EPHB1: variants seen among roughly 807,000 people sequenced by gnomAD.
EPHB1 encodes EPH receptor B1.
In EPHB1, 30 loss-of-function variants were observed where a neutral mutation model predicts 94.4. The ratio of observed to expected loss-of-function variants is 0.32; its 90% CI spans 0.24 to 0.43. EPHB1 has a LOEUF of 0.43. Among genes scored for constraint, EPHB1 ranks in the 20% least tolerant of loss-of-function variants. EPHB1 has a pLI of 1.00. For synonymous variants in EPHB1, 522 were observed against 489.1 expected, an observed-to-expected ratio of 1.07 and a Z score of -0.89; for missense variants, 1,055 against 1,308.3, an observed-to-expected ratio of 0.81 and a Z score of 2.99.
chr3:134,934,092 C>T (rs1293660805), intron 2 of EPHB1, among the ~76,000 whole-genome samples: 2 of 151,868 alleles, frequency 1.3e-5, no homozygotes, highest in African/African-American at 4.8e-5. Flanking sequence ...CTTTTTCTCT[C>T]TCTACCAAAA....
intron 3 of EPHB1, among the ~76,000 whole-genome samples, chr3:134,986,958 C>T (rs1442387437): frequency 1.3e-5 from 2 of 152,128 alleles, no homozygotes; most frequent in Admixed American, 6.5e-5. Flanking sequence ...AGTCTTCTCA[C>T]CTCTGTCAGA....
chr3:135,055,064 T>C (rs1344850763), intron 3 of EPHB1, among the ~76,000 whole-genome samples: 2 of 152,220 alleles, frequency 1.3e-5, no homozygotes, highest in African/African-American at 4.8e-5. Flanking sequence ...TGTAGCCTCT[T>C]TATCCAGTTT....
At chr3:135,174,315 A>G (rs1238243794) in intron 9 of EPHB1, among the ~76,000 whole-genome samples, 2 of 152,116 alleles carry the variant, frequency 1.3e-5, no homozygotes, top group Non-Finnish European at 2.9e-5. Flanking sequence ...TCAAGCTGGT[A>G]TCACTCTCCC....
At chr3:135,054,879 C>T (rs192243350) in intron 3 of EPHB1, among the ~76,000 whole-genome samples, 116 of 152,188 alleles carry the variant, frequency 7.6e-4, no homozygotes, top group Non-Finnish European at 1.3e-3. Flanking sequence ...TGCATTTGTC[C>T]TTACACTTCC....
At chr3:135,013,529 G>A (rs2107750017) in intron 3 of EPHB1, among the ~76,000 whole-genome samples, 1 of 152,334 alleles carries the variant, frequency 6.6e-6, no homozygotes, top group South Asian at 2.1e-4. Flanking sequence ...TAGGGTGAGA[G>A]CAGAGAGACA....
intron 1 of EPHB1, among the ~76,000 whole-genome samples, chr3:134,876,262 A>G (rs2037614552): frequency 6.6e-6 from 1 of 151,926 alleles, no homozygotes; most frequent in African/African-American, 2.4e-5. Flanking sequence ...TGGCCTCCCC[A>G]TCTTTACCTG....
At chr3:134,856,665 G>C (rs1472882869) in intron 1 of EPHB1, among the ~76,000 whole-genome samples, 3 of 152,332 alleles carry the variant, frequency 2.0e-5, no homozygotes, top group African/African-American at 7.2e-5. Flanking sequence ...TGCTGTCGAT[G>C]TAAAATGCAC....
intron 1 of EPHB1, among the ~76,000 whole-genome samples, chr3:134,911,768 G>A (rs1027903754): frequency 1.3e-5 from 2 of 152,210 alleles, no homozygotes; most frequent in South Asian, 2.1e-4. Context: ...AGCAGCACCA[G>A]TCTGGTCTGG....
At chr3:134,868,623 T>C (rs935251154) in intron 1 of EPHB1, among the ~76,000 whole-genome samples, 4 of 152,176 alleles carry the variant, frequency 2.6e-5, no homozygotes, top group African/African-American at 9.7e-5. Context: ...AATGGAATAC[T>C]GAGTGTGAGA....
intron 1 of EPHB1, among the ~76,000 whole-genome samples, chr3:134,903,340 G>T (rs983029702): frequency 6.6e-6 from 1 of 152,136 alleles, no homozygotes; most frequent in Non-Finnish European, 1.5e-5. Flanking sequence ...TCCTACTGGT[G>T]CTGGCAAAAC....
At chr3:135,255,788 T>C (rs2107734869) in intron 15 of EPHB1, among the ~76,000 whole-genome samples, 1 of 146,806 alleles carries the variant, frequency 6.8e-6, no homozygotes, top group Non-Finnish European at 1.5e-5. Context: ...ACTTTCTGTC[T>C]CATTGATCTG....
At chr3:135,087,462 T>G (rs945855192) in intron 3 of EPHB1, among the ~76,000 whole-genome samples, 8 of 152,198 alleles carry the variant, frequency 5.3e-5, no homozygotes, top group African/African-American at 1.9e-4. Flanking sequence ...ATTATAATGA[T>G]TATTAGCCTA....
chr3:135,180,732 A>G (rs1329144574), intron 10 of EPHB1, among the ~76,000 whole-genome samples: 1 of 152,250 alleles, frequency 6.6e-6, no homozygotes, highest in Non-Finnish European at 1.5e-5. Flanking sequence ...CAATGGACCT[A>G]GACTTATTAA....
chr3:134,814,343 A>G (rs1446494343), intron 1 of EPHB1, among the ~76,000 whole-genome samples: 1 of 152,326 alleles, frequency 6.6e-6, no homozygotes, highest in East Asian at 1.9e-4. Flanking sequence ...ATGAGGATGC[A>G]TATCATGAGT....
intron 1 of EPHB1, among the ~76,000 whole-genome samples, chr3:134,882,527 A>G (rs2037753678): frequency 6.6e-6 from 1 of 152,354 alleles, no homozygotes; most frequent in Non-Finnish European, 1.5e-5. Context: ...AAAATTCCCA[A>G]TTATGAAGCA....
chr3:135,028,957 T>A (rs1440358197), intron 3 of EPHB1, among the ~76,000 whole-genome samples: 6 of 134,122 alleles, frequency 4.5e-5, no homozygotes, highest in Non-Finnish European at 6.4e-5. Flanking sequence ...TTTTGTTGAA[T>A]TGATCCCTTT....
intron 3 of EPHB1, among the ~76,000 whole-genome samples, chr3:134,966,005 C>T (rs1933729789): frequency 6.6e-6 from 1 of 152,180 alleles, no homozygotes; most frequent in Non-Finnish European, 1.5e-5. Flanking sequence ...TGTGCACTGG[C>T]CCTTCCTTTC....
chr3:135,212,823 T>A (rs960896699), intron 12 of EPHB1, among the ~76,000 whole-genome samples: 2 of 152,216 alleles, frequency 1.3e-5, no homozygotes, highest in African/African-American at 4.8e-5. Flanking sequence ...ATTTTTCCTG[T>A]ATTTTCTTTT....
intron 13 of EPHB1, among the ~76,000 whole-genome samples, chr3:135,246,047 G>T (rs1027299714): frequency 6.6e-6 from 1 of 152,168 alleles, no homozygotes; most frequent in Non-Finnish European, 1.5e-5. Context: ...TCCAGGACAG[G>T]TGGTAAAGCT....
Sources: gnomAD v4.1 joint callset for allele counts (sites outside exome capture counted in the v4.1 genomes callset) on GRCh38, gnomAD v4.1.1 for gene constraint, MANE v1.5 for transcripts, NCBI Gene and HGNC (gene_info 2026-07-23, HGNC 2026-07-21) for gene names.